The following GAK variants were observed in gnomAD, a reference collection of about 807,000 sequenced individuals.
GAK encodes cyclin G associated kinase.
Under a neutral mutation model 143.9 loss-of-function variants are expected in GAK, and 79 were observed. That is an observed-to-expected ratio of 0.55 (90% CI 0.46 to 0.66). The LOEUF is 0.66. GAK is among the 30% of genes least tolerant of loss of function. The pLI, the probability that GAK is intolerant of heterozygous loss-of-function variation, is 0.00. For synonymous variants in GAK, 881 were observed against 765.5 expected (o/e 1.15, Z -2.49); for missense variants, 1,693 against 1,779.7 (o/e 0.95, Z 0.88).
In GAK at chr4:881,774, C is replaced by A. The variant is rs576445070; in HGVS notation, c.1661+133G>T. On this transcript the variant is annotated intron_variant, in intron 15 of 27. Coordinates refer to ENST00000314167, the MANE Select transcript of GAK (RefSeq NM_005255.4). ...AGCCCAGGGCTCAGCCATGGCTCCGCGAGGCCGGGCCTGCCTTTCCCACCA... is the reference window on the plus strand; with the variant it reads ...AGCCCAGGGCTCAGCCATGGCTCCGAGAGGCCGGGCCTGCCTTTCCCACCA... 6.9e-5 allele frequency: 79 copies of A among 1,151,728 alleles called. No homozygotes were observed. In the African/African-American group the frequency reaches 1.1e-3, roughly 15 times the overall value. 71.3% of individuals were successfully genotyped at this position (1,151,728 alleles called of 1,614,324 possible).
intron 8 of GAK, 37 bp downstream of exon 8, chr4:893,836 AG>A (rs1718176905): frequency 6.5e-7 from 1 of 1,533,798 alleles, no homozygotes; most frequent in African/African-American, 1.4e-5. Flanking sequence ...TCTGTGCTCC[AG>A]GGTCCTGCCC....
At chr4:887,231 CGCACTCACGT>C (rs761473803) in intron 11 of GAK, 1 of 127,970 alleles carries the variant, frequency 7.8e-6, no homozygotes, top group African/African-American at 2.9e-5. Flanking sequence ...GCGGCTCACG[CGCACTCACGT>C]GTACACATGC....
At chr4:888,746 C>A (rs952283532) in intron 11 of GAK, 101 bp downstream of exon 11, 1 of 1,440,098 alleles carries the variant, frequency 6.9e-7, no homozygotes, top group Admixed American at 2.2e-5. Flanking sequence ...CCCTGTGGGG[C>A]CTGATGACCA....
At position 865,261 on chromosome 4, in the gene GAK, AG is replaced by A; in HGVS notation, c.3044-18del. ...GCAGATCCCCTGGGAAGAAGGAACC[AG>A]AAGAGAGCACAGTTTGGTGTCTCAG... On this transcript the variant is annotated intron_variant, in intron 22 of 27. Transcript: ENST00000314167. 6.2e-7 allele frequency: 1 copy of A among 1,612,844 alleles called. No individual in the cohort carries two copies.
chr4:926,068 C>T (rs1724681018), intron 1 of GAK, among the ~76,000 whole-genome samples: 1 of 151,964 alleles, frequency 6.6e-6, no homozygotes, highest in South Asian at 2.1e-4. Context: ...GGGGTCCTCC[C>T]CCGACAGTGA....
At chr4:892,471 G>A (rs1289232420) in intron 9 of GAK, among the ~76,000 whole-genome samples, 3 of 152,192 alleles carry the variant, frequency 2.0e-5, no homozygotes. Context: ...CCCTGTCCAC[G>A]GCTGGGTCAG....
chr4:926,741 C>T (rs1577337748), intron 1 of GAK, among the ~76,000 whole-genome samples: 1 of 152,130 alleles, frequency 6.6e-6, no homozygotes, highest in Non-Finnish European at 1.5e-5. Context: ...GGGGCAGCTA[C>T]TCTGTGGCAG....
At position 904,697 on chromosome 4, in the gene GAK, C is replaced by T. The variant is rs781034616; in HGVS notation, c.465G>A (p.Thr155=). ...CDTVLKIFYQ[T]CRAVQHMHRQ... Reference sequence around the variant, plus strand: ...GGTGCATGTGCTGCACGGCGCGGCACGTCTGGTAGAAGATCTTCAGAACCG... The same window carrying T: ...GGTGCATGTGCTGCACGGCGCGGCATGTCTGGTAGAAGATCTTCAGAACCG... The change falls in exon 5 of 28, where the codon ACG becomes ACA. Residue 155 remains threonine (T), a synonymous_variant. Transcript: ENST00000314167. 1.1e-5 allele frequency: 17 copies of T among 1,613,866 alleles called. No homozygotes were observed. The highest frequency in any genetic ancestry group is 1.4e-5 in the Non-Finnish European group (17 of 1,179,850).
At chr4:866,332 G>A (rs1366339949) in intron 22 of GAK, 32 bp downstream of exon 22, 1 of 1,606,060 alleles carries the variant, frequency 6.2e-7, no homozygotes, top group East Asian at 2.2e-5. Context: ...AGGCGGCCAT[G>A]GAGAGCTGGC....
chr4:904,864 G>T lies in GAK; in HGVS notation c.383-85C>A, dbSNP rs1051129324. The T allele has an allele frequency of 6.7e-6, 9 of 1,334,540 alleles. No homozygotes were observed. The Admixed American group carries it at 2.0e-4, about 30-fold the overall frequency. 82.7% of individuals were successfully genotyped at this position (1,334,540 alleles called of 1,614,324 possible). ...AGGGCTGTTTCACGCGGACTTCCCAGAACTAAATGGAAAGGAAAACCCTGA... is the reference window on the plus strand; with the variant it reads ...AGGGCTGTTTCACGCGGACTTCCCATAACTAAATGGAAAGGAAAACCCTGA... On this transcript the variant is annotated intron_variant, in intron 4 of 27. Coordinates refer to ENST00000314167, the MANE Select transcript of GAK (RefSeq NM_005255.4).
chr4:892,633 T>G lies in GAK; in HGVS notation c.990+744A>C, dbSNP rs115064783. ...GCCACCGGTGCCTGGGAGTGGACCC[T>G]GGCCAGGCCCAGCCCTGACACAACT... is the stretch of plus-strand genomic sequence containing the variant. On this transcript the variant is annotated intron_variant, in intron 9 of 27. Coordinates refer to ENST00000314167, the MANE Select transcript of GAK (RefSeq NM_005255.4). Among the ~76,000 whole-genome samples, 665 of 152,240 alleles carry G rather than the reference T, an allele frequency of 4.4e-3. 5 individuals carry two copies. The highest frequency in any genetic ancestry group is 0.015 in the African/African-American group (610 of 41,560).
At chr4:918,438 G>A (rs985780162) in intron 1 of GAK, among the ~76,000 whole-genome samples, 7 of 152,288 alleles carry the variant, frequency 4.6e-5, no homozygotes, top group Middle Eastern at 3.4e-3. Context: ...AAAAACTAAC[G>A]AAAGACAAAA....
At chr4:895,048 C>G (rs575247359) in intron 7 of GAK, among the ~76,000 whole-genome samples, 46 of 152,280 alleles carry the variant, frequency 3.0e-4, no homozygotes, top group African/African-American at 9.4e-4. Context: ...GGTTCCCACA[C>G]TCATGCACTG....
chr4:923,953 G>A (rs1724288697), intron 1 of GAK, among the ~76,000 whole-genome samples: 1 of 152,148 alleles, frequency 6.6e-6, no homozygotes, highest in Non-Finnish European at 1.5e-5. Flanking sequence ...GGGAGGCCAA[G>A]GCCGGCGGGT....
intron 14 of GAK, 143 bp downstream of exon 14, chr4:882,554 A>G: frequency 1.9e-6 from 2 of 1,081,072 alleles, no homozygotes; most frequent in Non-Finnish European, 2.7e-6. Context: ...AGACCCAAAG[A>G]CACCAAGCAC....
At chr4:889,009 G>A (rs760947082) in intron 10 of GAK, 39 bp from the exon 11 acceptor site, 63 of 1,589,580 alleles carry the variant, frequency 4.0e-5, no homozygotes, top group Non-Finnish European at 4.4e-5. Context: ...CCAGGTGCTC[G>A]GTCCCACCTC....
intron 7 of GAK, 102 bp downstream of exon 7, chr4:896,358 G>T: frequency 1.2e-6 from 1 of 818,364 alleles, no homozygotes; most frequent in East Asian, 2.5e-5. Flanking sequence ...GGGGGTGGAG[G>T]AGGCAGGCCA....
At chr4:862,721 T>C (rs1464665315) in intron 23 of GAK, among the ~76,000 whole-genome samples, 1 of 151,810 alleles carries the variant, frequency 6.6e-6, no homozygotes, top group East Asian at 1.9e-4. Context: ...CAGCAAAGCC[T>C]GGATGGCAGC....
intron 15 of GAK, among the ~76,000 whole-genome samples, chr4:879,567 ATCT>A (rs1215157231): frequency 1.3e-5 from 2 of 152,254 alleles, no homozygotes; most frequent in East Asian, 3.9e-4. Flanking sequence ...TACCTGATGC[ATCT>A]TCTTCTGGCC....
Sources: allele counts gnomAD v4.1 joint callset (sites outside exome capture counted in the v4.1 genomes callset), GRCh38; gene constraint gnomAD v4.1.1; transcripts MANE v1.5; gene names NCBI Gene and HGNC (gene_info 2026-07-23, HGNC 2026-07-21).